Variants in SPOCK3 observed in about 807,000 individuals in gnomAD.
SPOCK3 encodes testican-3.
SPOCK3 carries 30 observed loss-of-function variants against 56.6 expected under a neutral mutation model. The observed-to-expected ratio is 0.53, with a 90% CI of 0.40 to 0.72. SPOCK3 has a LOEUF of 0.72. Among genes scored for constraint, SPOCK3 ranks in the 30% least tolerant of loss-of-function variants. The pLI, the probability that SPOCK3 is intolerant of heterozygous loss-of-function variation, is 0.00. For synonymous variants in SPOCK3, 196 were observed against 183.3 expected (o/e 1.07, Z -0.56); for missense variants, 527 against 530.0 (o/e 0.99, Z 0.06).
At chr4:167,206,339 A>C (rs1340539980) in intron 2 of SPOCK3, among the ~76,000 whole-genome samples, 2 of 152,116 alleles carry the variant, frequency 1.3e-5, no homozygotes, top group East Asian at 3.9e-4. Context: ...AATAAAAAAA[A>C]ATAAGTATGT....
chr4:167,174,199 G>A (rs1383352363), intron 2 of SPOCK3, among the ~76,000 whole-genome samples: 1 of 151,976 alleles, frequency 6.6e-6, no homozygotes, highest in Admixed American at 6.6e-5. Flanking sequence ...TATTATATTA[G>A]TGTATGATTT....
rs1561234016 is a variant in SPOCK3, at chr4:167,116,662, G to GTGTATATATACACGTATATAC, written c.190-54126_190-54125insGTATATACGTGTATATATACA. On this transcript the variant is annotated intron_variant, in intron 2 of 10. Coordinates refer to ENST00000357545, the MANE Select transcript of SPOCK3 (RefSeq NM_001040159.2). The stretch of plus-strand genomic sequence containing the variant: ...TACGTATATATATACACATATATAC[G>GTGTATATATACACGTATATAC]TATATAGTATATATGTATATATACA... 9.5e-5 allele frequency among the ~76,000 whole-genome samples: 6 copies of GTGTATATATACACGTATATAC among 62,924 alleles called. No individual in the cohort carries two copies. In the East Asian group the frequency reaches 1.2e-3, roughly 12 times the overall value. 41.3% of individuals were successfully genotyped at this position (62,924 alleles called of 152,430 possible).
chr4:167,112,959 A>G (rs1171641673), intron 2 of SPOCK3, among the ~76,000 whole-genome samples: 1 of 152,176 alleles, frequency 6.6e-6, no homozygotes, highest in Non-Finnish European at 1.5e-5. Flanking sequence ...AGGACGCTGG[A>G]TAACTAGATT....
At position 166,903,559 on chromosome 4, in the gene SPOCK3, C is replaced by A. The variant is rs187121391; in HGVS notation, c.474+9061G>T. On this transcript the variant is annotated intron_variant, in intron 5 of 10. Transcript: ENST00000357545. ...AGCTGTTCAGAGGGGTTGTCTAATTCATCGACGTGACTGTGCTTTCATATC... is the reference window on the plus strand; with the variant it reads ...AGCTGTTCAGAGGGGTTGTCTAATTAATCGACGTGACTGTGCTTTCATATC... 1.2e-4 allele frequency among the ~76,000 whole-genome samples: 18 copies of A among 152,188 alleles called. No homozygotes were observed. The East Asian group carries it at 3.1e-3, about 26-fold the overall frequency.
chr4:166,791,635 C>T (rs1435241745), intron 7 of SPOCK3, among the ~76,000 whole-genome samples: 1 of 151,946 alleles, frequency 6.6e-6, no homozygotes, highest in Non-Finnish European at 1.5e-5. Flanking sequence ...ATTAAAAAAA[C>T]TTTTAGAGAA....
chr4:166,763,254 T>C (rs568811192), intron 7 of SPOCK3, among the ~76,000 whole-genome samples: 1 of 151,298 alleles, frequency 6.6e-6, no homozygotes, highest in Non-Finnish European at 1.5e-5. Flanking sequence ...CAGAAGACAA[T>C]GGAAAATTTC....
At chr4:166,864,410 G>C (rs1731564924) in intron 6 of SPOCK3, among the ~76,000 whole-genome samples, 1 of 152,110 alleles carries the variant, frequency 6.6e-6, no homozygotes, top group Non-Finnish European at 1.5e-5. Context: ...AAAGCTAGCA[G>C]AAGACAAGAA....
intron 4 of SPOCK3, among the ~76,000 whole-genome samples, chr4:166,938,296 A>G (rs1221254969): frequency 6.6e-6 from 1 of 152,170 alleles, no homozygotes; most frequent in Non-Finnish European, 1.5e-5. Flanking sequence ...TTGGGAAGAG[A>G]AATTGATGTA....
At chr4:167,231,883 T>C (rs895679290) in intron 2 of SPOCK3, among the ~76,000 whole-genome samples, 7 of 152,164 alleles carry the variant, frequency 4.6e-5, no homozygotes, top group African/African-American at 1.7e-4. Context: ...ACTGTCTTAC[T>C]AAAATGGTAA....
intron 4 of SPOCK3, among the ~76,000 whole-genome samples, chr4:166,929,388 T>G (rs1428536894): frequency 6.6e-6 from 1 of 152,190 alleles, no homozygotes; most frequent in African/African-American, 2.4e-5. Flanking sequence ...AAACTGAATG[T>G]TTTGAATTTT....
chr4:167,123,961 G>A (rs1258753977), intron 2 of SPOCK3, among the ~76,000 whole-genome samples: 1 of 151,882 alleles, frequency 6.6e-6, no homozygotes, highest in African/African-American at 2.4e-5. Flanking sequence ...TGGCCAGGCT[G>A]GTCTCGAACT....
At chr4:166,737,367 T>C in intron 10 of SPOCK3, 100 bp downstream of exon 10, 3 of 1,277,256 alleles carry the variant, frequency 2.3e-6, no homozygotes, top group Non-Finnish European at 3.2e-6. Context: ...AGTCTTTGCA[T>C]AGAGTAAGTC....
intron 6 of SPOCK3, among the ~76,000 whole-genome samples, chr4:166,849,583 T>C (rs1313009398): frequency 6.6e-6 from 1 of 152,192 alleles, no homozygotes; most frequent in Non-Finnish European, 1.5e-5. Flanking sequence ...AAAACATCTA[T>C]TTTAATTGTG....
intron 2 of SPOCK3, among the ~76,000 whole-genome samples, chr4:167,075,170 AT>A (rs1041516216): frequency 3.5e-4 from 52 of 150,166 alleles, no homozygotes; most frequent in Admixed American, 8.7e-4. Context: ...AACCAGTTTT[AT>A]TTTTTTTTTC....
intron 2 of SPOCK3, among the ~76,000 whole-genome samples, chr4:167,063,495 G>A (rs1755804609): frequency 1.3e-5 from 2 of 151,846 alleles, no homozygotes; most frequent in Non-Finnish European, 2.9e-5. Flanking sequence ...GAAAGCTACA[G>A]AAGTTACAGA....
At chr4:167,151,966 C>A (rs1315294413) in intron 2 of SPOCK3, among the ~76,000 whole-genome samples, 1 of 152,084 alleles carries the variant, frequency 6.6e-6, no homozygotes, top group Non-Finnish European at 1.5e-5. Flanking sequence ...ACAGTAGAGA[C>A]GGGCCCTATC....
intron 6 of SPOCK3, among the ~76,000 whole-genome samples, chr4:166,792,615 G>A (rs1002717629): frequency 3.3e-5 from 5 of 152,000 alleles, no homozygotes; most frequent in Non-Finnish European, 5.9e-5. Context: ...TGGGGTGATA[G>A]GTTATCAGAG....
At chr4:166,956,220 T>TACACACACACAC (rs70957803) in intron 4 of SPOCK3, among the ~76,000 whole-genome samples, 3,404 of 149,708 alleles carry the variant, frequency 0.023, 148 homozygotes, top group African/African-American at 0.076. Flanking sequence ...ACCACACACA[T>TACACACACACAC]ACACACACAC....
chr4:166,800,035 A>G (rs923286320), intron 6 of SPOCK3, among the ~76,000 whole-genome samples: 1 of 151,818 alleles, frequency 6.6e-6, no homozygotes, highest in African/African-American at 2.4e-5. Flanking sequence ...CAAAAAAATT[A>G]GCCGGGCGTG....
Sources: allele counts gnomAD v4.1 joint callset (sites outside exome capture counted in the v4.1 genomes callset), GRCh38; gene constraint gnomAD v4.1.1; transcripts MANE v1.5; gene names NCBI Gene and HGNC (gene_info 2026-07-23, HGNC 2026-07-21).